Variants in CRACD observed in about 807,000 individuals in gnomAD.
CRACD encodes the protein capping protein inhibiting regulator of actin dynamics, also known as capping protein-inhibiting regulator of actin dynamics.
Under a neutral mutation model 106.8 loss-of-function variants are expected in CRACD, and 56 were observed. The ratio of observed to expected loss-of-function variants is 0.52; its 90% CI spans 0.42 to 0.66. The LOEUF is 0.66. Ranked by LOEUF, CRACD falls within the 30% of genes least tolerant of loss-of-function variation. The pLI, the probability that CRACD is intolerant of heterozygous loss-of-function variation, is 0.00. For missense variants in CRACD, 1,730 were observed against 1,623.2 expected (o/e 1.07, Z -1.13); for synonymous variants, 754 against 670.8 (o/e 1.12, Z -1.92).
chr4:56,246,043 G>A (rs1308633749), intron 2 of CRACD, among the ~76,000 whole-genome samples: 1 of 152,172 alleles, frequency 6.6e-6, no homozygotes, highest in Non-Finnish European at 1.5e-5. Flanking sequence ...GGATGGGCAG[G>A]AGGCATTGGC....
intron 2 of CRACD, among the ~76,000 whole-genome samples, chr4:56,182,437 A>AC: frequency 6.6e-6 from 1 of 151,668 alleles, no homozygotes; most frequent in African/African-American, 2.4e-5. Context: ...AAGAAACAAA[A>AC]AAAAAAAACC....
intron 2 of CRACD, among the ~76,000 whole-genome samples, chr4:56,198,077 A>AT (rs1204014772): frequency 1.3e-5 from 2 of 152,012 alleles, no homozygotes; most frequent in Non-Finnish European, 1.5e-5. Context: ...GAAATCACTA[A>AT]TTTACTTTGC....
chr4:56,237,899 A>G (rs1405480857), intron 2 of CRACD, among the ~76,000 whole-genome samples: 2 of 151,214 alleles, frequency 1.3e-5, no homozygotes, highest in Non-Finnish European at 2.9e-5. Context: ...ACTTTCATAT[A>G]TTATAAATAT....
At chr4:56,183,456 G>A (rs938870250) in intron 2 of CRACD, among the ~76,000 whole-genome samples, 13 of 152,122 alleles carry the variant, frequency 8.5e-5, no homozygotes, top group Admixed American at 3.3e-4. Flanking sequence ...AGGACTGCAC[G>A]CGAGAAAAGG....
chr4:56,163,419 G>T (rs762987628), intron 1 of CRACD, among the ~76,000 whole-genome samples: 2 of 152,122 alleles, frequency 1.3e-5, no homozygotes, highest in Non-Finnish European at 1.5e-5. Context: ...TTTGTAATGT[G>T]AAATTGATGC....
intron 4 of CRACD, chr4:56,301,187 A>T: frequency 1.6e-6 from 2 of 1,276,448 alleles, no homozygotes; most frequent in Non-Finnish European, 2.0e-6. Context: ...TTGAGATATA[A>T]CTGAATCATC....
intron 8 of CRACD, among the ~76,000 whole-genome samples, chr4:56,317,138 C>T (rs1485321963): frequency 6.6e-6 from 1 of 152,176 alleles, no homozygotes; most frequent in African/African-American, 2.4e-5. Flanking sequence ...CTGAATTCCC[C>T]AGATAAGGAG....
At chr4:56,112,982 TA>T (rs35636895) in intron 1 of CRACD, among the ~76,000 whole-genome samples, 65,467 of 149,584 alleles carry the variant, frequency 0.44, 14,528 homozygotes, top group South Asian at 0.53. Context: ...TTTTAAGACT[TA>T]AAAAAAAAAA....
At chr4:56,184,655 A>G (rs1388118055) in intron 2 of CRACD, among the ~76,000 whole-genome samples, 1 of 152,234 alleles carries the variant, frequency 6.6e-6, no homozygotes, top group Non-Finnish European at 1.5e-5. Flanking sequence ...TACATGGGCC[A>G]GGCAAATCTG....
At chr4:56,312,261 A>G (rs1172251303) in intron 6 of CRACD, among the ~76,000 whole-genome samples, 2 of 152,094 alleles carry the variant, frequency 1.3e-5, no homozygotes, top group Admixed American at 6.5e-5. Context: ...CCTGGGTTCA[A>G]GCAATTCTCA....
rs538286465 is a variant in CRACD, at chr4:56,106,374, T to C, written c.-336+57075T>C. Among the ~76,000 whole-genome samples, 7 of 152,294 alleles carry C rather than the reference T, an allele frequency of 4.6e-5. No individual in the cohort carries two copies. The East Asian group carries it at 1.4e-3, about 29-fold the overall frequency. On this transcript the variant is annotated intron_variant, in intron 1 of 10. Coordinates refer to ENST00000682029, the MANE Select transcript of CRACD (RefSeq NM_001393381.1). ...ACAGAGTTCAAGTCTCCAGTGTTGA[T>C]CCTACGCTAAAGAGTTATAAAAATA...
intron 2 of CRACD, among the ~76,000 whole-genome samples, chr4:56,234,370 AG>A: frequency 6.6e-6 from 1 of 152,328 alleles, no homozygotes; most frequent in East Asian, 1.9e-4. Context: ...CATAATGTGA[AG>A]GTTCATCCAT....
rs60372588 is a variant in CRACD, at chr4:56,070,847, C to CTGTGTGTGTGTGTGTGTGTGTGTGTG, written c.-336+21566_-336+21591dup. 6.5e-3 allele frequency among the ~76,000 whole-genome samples: 780 copies of CTGTGTGTGTGTGTGTGTGTGTGTGTG among 120,410 alleles called. 36 individuals carry two copies. The highest frequency in any genetic ancestry group is 0.013 in the Middle Eastern group (3 of 240). 79.0% of individuals were successfully genotyped at this position (120,410 alleles called of 152,430 possible). On this transcript the variant is annotated intron_variant, in intron 1 of 10. Transcript: ENST00000682029. ...TACTGCAGGAATGCCAGGGGCTATG[C>CTGTGTGTGTGTGTGTGTGTGTGTGTG]TGTGTGTGTGTGTGTGTGTGTGTGT... is the stretch of plus-strand genomic sequence containing the variant.
intron 1 of CRACD, among the ~76,000 whole-genome samples, chr4:56,054,472 C>G (rs1246228412): frequency 6.6e-6 from 1 of 152,218 alleles, no homozygotes; most frequent in Non-Finnish European, 1.5e-5. Context: ...TGAGCCGCCA[C>G]TCAGTGGCTC....
chr4:56,176,547 G>A (rs1736591922), intron 1 of CRACD, among the ~76,000 whole-genome samples: 1 of 150,534 alleles, frequency 6.6e-6, no homozygotes, highest in Non-Finnish European at 1.5e-5. Flanking sequence ...TCCCGCCTCA[G>A]CCTCCCGAGT....
intron 1 of CRACD, among the ~76,000 whole-genome samples, chr4:56,065,969 A>G (rs1423771948): frequency 6.6e-6 from 1 of 152,182 alleles, no homozygotes; most frequent in Non-Finnish European, 1.5e-5. Flanking sequence ...CTGGTTTCAT[A>G]TGGCATCATC....
intron 1 of CRACD, among the ~76,000 whole-genome samples, chr4:56,144,131 A>C (rs554597225): frequency 6.6e-6 from 1 of 152,318 alleles, no homozygotes; most frequent in East Asian, 1.9e-4. Context: ...GAAGACCTAC[A>C]GGTGAGGGAG....
intron 1 of CRACD, among the ~76,000 whole-genome samples, chr4:56,114,629 T>C (rs1232821496): frequency 6.6e-6 from 1 of 152,106 alleles, no homozygotes; most frequent in African/African-American, 2.4e-5. Flanking sequence ...TATTTCAAAC[T>C]GTAGGGCAGG....
intron 1 of CRACD, among the ~76,000 whole-genome samples, chr4:56,061,211 C>T (rs1162025344): frequency 6.6e-6 from 1 of 152,202 alleles, no homozygotes; most frequent in Non-Finnish European, 1.5e-5. Flanking sequence ...TGCTCTGTCA[C>T]CCAGGCTGGA....
Sources: allele counts gnomAD v4.1 joint callset (sites outside exome capture counted in the v4.1 genomes callset), GRCh38; gene constraint gnomAD v4.1.1; transcripts MANE v1.5; gene names NCBI Gene and HGNC (gene_info 2026-07-23, HGNC 2026-07-21).